The following SLC44A5 variants were observed in gnomAD, a reference collection of about 807,000 sequenced individuals.
SLC44A5 encodes the protein choline transporter-like protein 5.
SLC44A5 carries 57 observed loss-of-function variants against 101.8 expected under a neutral mutation model. The ratio of observed to expected loss-of-function variants is 0.56; its 90% CI spans 0.45 to 0.70. The LOEUF (loss-of-function observed/expected upper bound fraction) is 0.70, where lower values mean the gene tolerates loss of function less well. Ranked by LOEUF, SLC44A5 falls within the 30% of genes least tolerant of loss-of-function variation. SLC44A5 has a pLI of 0.00. For synonymous variants in SLC44A5, 281 were observed against 290.9 expected, an observed-to-expected ratio of 0.97 and a Z score of 0.35; for missense variants, 737 against 853.1, an observed-to-expected ratio of 0.86 and a Z score of 1.70.
intron 5 of SLC44A5, among the ~76,000 whole-genome samples, chr1:75,283,782 C>A (rs1344407245): frequency 2.6e-5 from 4 of 151,240 alleles, no homozygotes; most frequent in African/African-American, 9.7e-5. Flanking sequence ...TTTTTGTTTG[C>A]TTTGTCGAAG....
chr1:75,234,461 T>C (rs547960952), intron 11 of SLC44A5, among the ~76,000 whole-genome samples: 1 of 152,188 alleles, frequency 6.6e-6, no homozygotes, highest in African/African-American at 2.4e-5. Flanking sequence ...GGTCATAAAT[T>C]GTGAAATGTA....
intron 23 of SLC44A5, among the ~76,000 whole-genome samples, chr1:75,208,349 G>C (rs1646788207): frequency 6.6e-6 from 1 of 152,096 alleles, no homozygotes; most frequent in Non-Finnish European, 1.5e-5. Flanking sequence ...TGTAGAGACA[G>C]GGTTTTGCTA....
the SLC44A5 span, among the ~76,000 whole-genome samples, chr1:75,687,890 C>A: frequency 2.6e-5 from 4 of 152,288 alleles, no homozygotes; most frequent in East Asian, 7.7e-4. Flanking sequence ...GGTCATCCAG[C>A]CAAGAGACTT....
intron 3 of SLC44A5, among the ~76,000 whole-genome samples, chr1:75,366,690 C>T (rs919133197): frequency 2.6e-5 from 3 of 116,578 alleles, no homozygotes; most frequent in African/African-American, 1.2e-4. Context: ...GTACCATAGG[C>T]GCTGTATGCT....
At chr1:75,375,840 T>C (rs560474636) in intron 3 of SLC44A5, among the ~76,000 whole-genome samples, 21 of 152,330 alleles carry the variant, frequency 1.4e-4, no homozygotes, top group African/African-American at 5.0e-4. Flanking sequence ...GGAGCCAAGA[T>C]GGCCGAATAG....
chr1:75,640,119 G>A, the SLC44A5 span, among the ~76,000 whole-genome samples: 1 of 152,058 alleles, frequency 6.6e-6, no homozygotes, highest in East Asian at 1.9e-4. Context: ...CCTTGAAACA[G>A]CAACAGTTTC....
At chr1:75,642,100 T>A in the SLC44A5 span, 1 of 1,167,012 alleles carries the variant, frequency 8.6e-7, no homozygotes, top group Non-Finnish European at 1.2e-6. Flanking sequence ...TTTATTTTAT[T>A]TGATGTAGAT....
chr1:75,650,216 C>G, the SLC44A5 span, among the ~76,000 whole-genome samples: 2 of 152,160 alleles, frequency 1.3e-5, no homozygotes, highest in Admixed American at 6.5e-5. Context: ...CTCTTCCCAG[C>G]CTCCCAGTTT....
At chr1:75,660,221 A>G in the SLC44A5 span, among the ~76,000 whole-genome samples, 1 of 152,196 alleles carries the variant, frequency 6.6e-6, no homozygotes, top group Non-Finnish European at 1.5e-5. Context: ...AAAAAGAATC[A>G]AGAACAAAAA....
upstream of SLC44A5, among the ~76,000 whole-genome samples, chr1:75,613,749 A>C (rs575274076): frequency 1.3e-5 from 2 of 152,258 alleles, no homozygotes; most frequent in Non-Finnish European, 2.9e-5. Flanking sequence ...CTTAACTGCT[A>C]TTCTTCAATT....
chr1:75,311,752 G>A (rs1283060391), intron 4 of SLC44A5: 13 of 156,960 alleles, frequency 8.3e-5, no homozygotes, highest in African/African-American at 3.1e-4. Flanking sequence ...ATAAAATGAT[G>A]ACAGATTGTG....
At chr1:75,696,602 A>G in the SLC44A5 span, among the ~76,000 whole-genome samples, 11 of 152,214 alleles carry the variant, frequency 7.2e-5, no homozygotes, top group Non-Finnish European at 1.3e-4. Context: ...TTAGACTCAG[A>G]AGGTGAACAT....
chr1:75,537,034 A>AAAAAAAAAAAAAAG lies in SLC44A5; in HGVS notation c.13+4400_13+4401insCTTTTTTTTTTTTT, dbSNP rs1553199990. ...AAAAAAAAAAAAAAAAAAAAAAAAAATATATATCTATGCCAAATGATTCTG... is the reference window on the plus strand; with the variant it reads ...AAAAAAAAAAAAAAAAAAAAAAAAAAAAAAAAAAAAAAAGTATATATCTATGCCAAATGATTCTG... On this transcript the variant is annotated intron_variant, in intron 2 of 23. Coordinates refer to ENST00000370859, the MANE Select transcript of SLC44A5 (RefSeq NM_001130058.2). 4.1e-3 allele frequency among the ~76,000 whole-genome samples: 76 copies of AAAAAAAAAAAAAAG among 18,652 alleles called. 11 individuals carry two copies. Among genetic ancestry groups the AAAAAAAAAAAAAAG allele is most frequent in the Admixed American group, 0.012 (13 of 1,106 alleles). 12.2% of individuals were successfully genotyped at this position (18,652 alleles called of 152,430 possible).
intron 2 of SLC44A5, among the ~76,000 whole-genome samples, chr1:75,471,662 T>C (rs1261742819): frequency 6.6e-6 from 1 of 152,124 alleles, no homozygotes; most frequent in Non-Finnish European, 1.5e-5. Flanking sequence ...ATTTCCTCTC[T>C]CTGGCATTCC....
At chr1:75,402,499 A>G (rs751312256) in intron 2 of SLC44A5, 1 of 349,838 alleles carries the variant, frequency 2.9e-6, no homozygotes, top group South Asian at 2.2e-5. Context: ...TGCTCATCTC[A>G]TAGGGACTGG....
intron 1 of SLC44A5, among the ~76,000 whole-genome samples, chr1:75,607,833 G>T (rs1326514391): frequency 6.6e-6 from 1 of 151,980 alleles, no homozygotes; most frequent in Non-Finnish European, 1.5e-5. Context: ...GGAACTGTGA[G>T]TCAATTAAAC....
At chr1:75,473,228 G>T (rs967477837) in intron 2 of SLC44A5, among the ~76,000 whole-genome samples, 2 of 152,100 alleles carry the variant, frequency 1.3e-5, no homozygotes, top group Non-Finnish European at 2.9e-5. Flanking sequence ...GTTCCAGAGG[G>T]AGCAACACTT....
At chr1:75,582,328 C>G (rs1256320615) in intron 1 of SLC44A5, 3 of 1,421,128 alleles carry the variant, frequency 2.1e-6, no homozygotes, top group Admixed American at 1.8e-5. Flanking sequence ...TGGTAAAGCC[C>G]AAGGAAGTTA....
At chr1:75,645,109 C>A in the SLC44A5 span, among the ~76,000 whole-genome samples, 30 of 152,202 alleles carry the variant, frequency 2.0e-4, no homozygotes, top group East Asian at 4.6e-3. Flanking sequence ...GTCTTTATAG[C>A]ATCATGATTT....
Sources: gnomAD v4.1 joint callset for allele counts (sites outside exome capture counted in the v4.1 genomes callset) on GRCh38, gnomAD v4.1.1 for gene constraint, MANE v1.5 for transcripts, NCBI Gene and HGNC (gene_info 2026-07-23, HGNC 2026-07-21) for gene names.